KNTC1: variants seen among roughly 807,000 people sequenced by gnomAD.
KNTC1 encodes kinetochore-associated protein 1.
KNTC1 carries 253 observed loss-of-function variants against 314.4 expected under a neutral mutation model. The ratio of observed to expected loss-of-function variants is 0.80; its 90% CI spans 0.73 to 0.89. KNTC1 has a LOEUF of 0.89. Among genes scored for constraint, KNTC1 ranks in the 40% least tolerant of loss-of-function variants. The pLI, the probability that KNTC1 is intolerant of heterozygous loss-of-function variation, is 0.00. For missense variants in KNTC1, 2,475 were observed against 2,572.9 expected (o/e 0.96, Z 0.82); for synonymous variants, 901 against 901.4 (o/e 1.00, Z 0.01).
At chr12:122,620,386 C>A in intron 59 of KNTC1, 93 bp from the exon 60 acceptor site, 2 of 1,188,058 alleles carry the variant, frequency 1.7e-6, no homozygotes, top group Non-Finnish European at 1.2e-6. Context: ...TTATTGAAAA[C>A]TTGGACAGGC....
intron 1 of KNTC1, among the ~76,000 whole-genome samples, chr12:122,527,923 GT>G (rs1189140680): frequency 2.6e-5 from 4 of 152,136 alleles, no homozygotes; most frequent in Non-Finnish European, 4.4e-5. Flanking sequence ...TTTAATCACT[GT>G]TTCCTTCAAA....
At chr12:122,554,070 AAAAAAAAT>A (rs1401846728) in intron 16 of KNTC1, among the ~76,000 whole-genome samples, 35 of 69,148 alleles carry the variant, frequency 5.1e-4, no homozygotes, top group African/African-American at 2.3e-3. Context: ...TCCTTAAAAA[AAAAAAAAT>A]ATATATATAT....
chr12:122,574,329 A>T lies in KNTC1; in HGVS notation c.2331A>T (p.Thr777=), dbSNP rs761676376. 2 of 1,612,666 alleles carry T rather than the reference A, an allele frequency of 1.2e-6. No homozygotes were observed. Among genetic ancestry groups the T allele is most frequent in the Non-Finnish European group, 1.7e-6 (2 of 1,179,032 alleles). The change falls in exon 27 of 64, where the codon ACA becomes ACT. Residue 777 remains threonine, a synonymous_variant. Coordinates refer to ENST00000333479, the MANE Select transcript of KNTC1 (RefSeq NM_014708.6). The stretch of plus-strand genomic sequence containing the variant: ...CAAAGTCCACATCACTCTTTGAAAC[A>T]GCATGGGAAGCAAAGGCCATGGCAG... ...CSSKSTSLFE[T]AWEAKAMAVI... is the part of the protein sequence containing the mutation.
At chr12:122,532,073 G>C (rs1961381948) in intron 2 of KNTC1, among the ~76,000 whole-genome samples, 1 of 149,740 alleles carries the variant, frequency 6.7e-6, no homozygotes, top group Admixed American at 6.7e-5. Context: ...TCACTCTGTA[G>C]CCCAGGCTGG....
intron 58 of KNTC1, 32 bp from the exon 59 acceptor site, chr12:122,618,450 A>G: frequency 6.2e-7 from 1 of 1,605,268 alleles, no homozygotes; most frequent in Admixed American, 1.7e-5. Flanking sequence ...GAGTGTGTGT[A>G]TATCATGGTT....
At chr12:122,608,269 T>A (rs561958911) in intron 51 of KNTC1, among the ~76,000 whole-genome samples, 4 of 152,164 alleles carry the variant, frequency 2.6e-5, no homozygotes, top group Non-Finnish European at 4.4e-5. Context: ...CAGCTACTTT[T>A]AAAAAATTAC....
intron 19 of KNTC1, 148 bp downstream of exon 19, chr12:122,562,122 C>T: frequency 1.3e-6 from 1 of 747,044 alleles, no homozygotes; most frequent in Non-Finnish European, 2.2e-6. Context: ...TTAATAGGTA[C>T]TTACTTTATA....
At chr12:122,569,631 C>G in intron 21 of KNTC1, 50 bp from the exon 22 acceptor site, 1 of 1,513,564 alleles carries the variant, frequency 6.6e-7, no homozygotes. Flanking sequence ...CATTTGGAAG[C>G]CTTTGGTTTA....
At position 122,547,369 on chromosome 12, in the gene KNTC1, C is replaced by CT. The variant is rs760637643; in HGVS notation, c.817-45dup. ...CAGCCTGGGCGACAAGAGCAAAACT[C>CT]TGTCTCAAAAAAAAAGGACATGTAA... On this transcript the variant is annotated intron_variant, in intron 10 of 63. Coordinates refer to ENST00000333479, the MANE Select transcript of KNTC1 (RefSeq NM_014708.6). The CT allele has an allele frequency of 3.2e-6, 4 of 1,248,970 alleles. No individual in the cohort carries two copies. The South Asian group carries it at 5.0e-5, about 16-fold the overall frequency. 77.4% of individuals were successfully genotyped at this position (1,248,970 alleles called of 1,614,324 possible). A position where few individuals can be genotyped will look rare whatever the true frequency, so the allele number is the denominator to read the frequency against.
intron 55 of KNTC1, among the ~76,000 whole-genome samples, chr12:122,614,402 C>CT (rs1873530288): frequency 6.6e-6 from 1 of 152,098 alleles, no homozygotes; most frequent in African/African-American, 2.4e-5. Flanking sequence ...GATTTAGCCT[C>CT]TGAGTCAGTT....
At chr12:122,588,890 C>G in intron 40 of KNTC1, 74 bp downstream of exon 40, 1 of 871,122 alleles carries the variant, frequency 1.1e-6, no homozygotes, top group South Asian at 1.9e-5. Flanking sequence ...GCATATGACT[C>G]AATAGTTTAT....
chr12:122,587,726 T>C lies in KNTC1; in HGVS notation c.3746T>C (p.Leu1249Ser). 1 of 1,613,118 alleles carries C rather than the reference T, an allele frequency of 6.2e-7. No individual in the cohort carries two copies. Among genetic ancestry groups the C allele is most frequent in the Non-Finnish European group, 8.5e-7 (1 of 1,179,422 alleles). ...CACTCTGCAGGAGATGGCCTTGTTT[T>C]ACCTGTTATAAATTCCATCTCTGCC... ...CSLNEGDGLV[L>S]PVINSISALL... Residue 1249 changes from leucine (L) to serine (S), a missense_variant, in exon 39 of 64, where the codon TTA (leucine) becomes TCA (serine). Leu to Ser is a moderately radical substitution (Grantham distance 145, BLOSUM62 -2). Transcript: ENST00000333479.
In KNTC1 at chr12:122,577,774, CCAGAT is replaced by C. The variant is rs1565977508; in HGVS notation, c.2827_2831del (p.Asp943PhefsTer2). The C allele has an allele frequency of 1.2e-6, 2 of 1,612,132 alleles. No individual in the cohort carries two copies. Among genetic ancestry groups the C allele is most frequent in the African/African-American group, 2.7e-5 (2 of 74,794 alleles). ...GGCACGACTGGCATTACAAGAAGAGCCAGATCATTCTAAAGAGGTGACATTTTCAC... is the reference window on the plus strand; with the variant it reads ...GGCACGACTGGCATTACAAGAAGAGCCATTCTAAAGAGGTGACATTTTCAC... On this transcript the variant is annotated frameshift_variant, in exon 31 of 64. Transcript: ENST00000333479. LOFTEE classifies it high-confidence loss of function.
chr12:122,604,983 A>G lies in KNTC1; in HGVS notation c.5282A>G (p.Glu1761Gly). Residue 1761 changes from glutamate to glycine, a missense_variant, in exon 50 of 64, where the codon GAA (glutamate) becomes GGA (glycine). Transcript: ENST00000333479. ...VLIAHKLNTE[E>G]YLRVIGKPAH... ...ATAGCCCACAAGCTGAACACTGAGGAATATTTAAGAGTGATCGGAAAGCCA... is the reference window on the plus strand; with the variant it reads ...ATAGCCCACAAGCTGAACACTGAGGGATATTTAAGAGTGATCGGAAAGCCA... The G allele has an allele frequency of 6.2e-7, 1 of 1,613,116 alleles. No homozygotes were observed. The highest frequency in any genetic ancestry group is 8.5e-7 in the Non-Finnish European group (1 of 1,179,512).
Position 122,584,360 on chromosome 12 carries a change from G to C in KNTC1, c.3346G>C (p.Asp1116His), listed in dbSNP as rs772367216. The part of the protein sequence containing the change: ...TCQKLCQMLA[D>H]NVPVTVPVGL... The stretch of plus-strand genomic sequence containing the variant: ...TCAGAAGCTTTGTCAGATGTTGGCT[G>C]ATAATGTCCCAGTGACAGTGCCTGT... Residue 1116 changes from aspartate to histidine, a missense_variant, in exon 35 of 64, where the codon GAT (aspartate) becomes CAT (histidine). Coordinates refer to ENST00000333479, the MANE Select transcript of KNTC1 (RefSeq NM_014708.6). 6.2e-7 allele frequency: 1 copy of C among 1,613,684 alleles called. No homozygotes were observed. The highest frequency in any genetic ancestry group is 8.5e-7 in the Non-Finnish European group (1 of 1,179,636).
At chr12:122,528,049 C>G (rs1457008931) in intron 1 of KNTC1, among the ~76,000 whole-genome samples, 2 of 152,126 alleles carry the variant, frequency 1.3e-5, no homozygotes, top group Non-Finnish European at 2.9e-5. Flanking sequence ...ACATAAACTT[C>G]ATAATGGCAA....
chr12:122,591,236 G>A, intron 41 of KNTC1, 101 bp from the exon 42 acceptor site: 1 of 749,624 alleles, frequency 1.3e-6, no homozygotes, highest in Non-Finnish European at 2.4e-6. Context: ...CTACACGGTT[G>A]ATCACAAAGT....
At chr12:122,555,493 G>A (rs1963521146) in intron 16 of KNTC1, among the ~76,000 whole-genome samples, 1 of 152,158 alleles carries the variant, frequency 6.6e-6, no homozygotes, top group Non-Finnish European at 1.5e-5. Flanking sequence ...GGAGGTTGCA[G>A]TGAGCTGAGG....
chr12:122,550,198 T>C (rs1335729219), intron 13 of KNTC1, among the ~76,000 whole-genome samples: 2 of 62,066 alleles, frequency 3.2e-5, no homozygotes, highest in Non-Finnish European at 5.8e-5. Context: ...TTACATATTT[T>C]AAAAATATTT....
Sources: gnomAD v4.1 joint callset for allele counts (sites outside exome capture counted in the v4.1 genomes callset) on GRCh38, gnomAD v4.1.1 for gene constraint, MANE v1.5 for transcripts, NCBI Gene and HGNC (gene_info 2026-07-23, HGNC 2026-07-21) for gene names.